ASH1L: variants seen among roughly 807,000 people sequenced by gnomAD.
The protein encoded by ASH1L is histone-lysine N-methyltransferase ASH1L.
ASH1L carries 23 observed loss-of-function variants against 269.0 expected under a neutral mutation model. The ratio of observed to expected loss-of-function variants is 0.09; its 90% confidence interval spans 0.06 to 0.12. The LOEUF (loss-of-function observed/expected upper bound fraction) is 0.12, where lower values mean the gene tolerates loss of function less well. Among genes scored for constraint, ASH1L ranks in the 10% least tolerant of loss-of-function variants. The pLI is 1.00. For synonymous variants in ASH1L, 1,187 were observed against 1,253.5 expected (o/e 0.95, Z 1.12); for missense variants, 2,912 against 3,567.8 (o/e 0.82, Z 4.68).
intron 6 of ASH1L, among the ~76,000 whole-genome samples, chr1:155,396,759 C>T (rs909600271): frequency 2.7e-4 from 41 of 150,986 alleles, no homozygotes; most frequent in African/African-American, 9.7e-4. Flanking sequence ...GTCAGGAGTT[C>T]GAGACAGGCC....
At chr1:155,472,082 G>C (rs1323183243) in intron 3 of ASH1L, among the ~76,000 whole-genome samples, 1 of 152,150 alleles carries the variant, frequency 6.6e-6, no homozygotes, top group African/African-American at 2.4e-5. Flanking sequence ...CTTGCGGTCA[G>C]GAGTTTGAAA....
At chr1:155,363,668 C>CT (rs1202012962) in intron 12 of ASH1L, among the ~76,000 whole-genome samples, 8 of 151,050 alleles carry the variant, frequency 5.3e-5, no homozygotes, top group African/African-American at 7.3e-5. Context: ...TGTAACTTTT[C>CT]TTTTTTTTTG....
intron 3 of ASH1L, among the ~76,000 whole-genome samples, chr1:155,472,461 A>G (rs1375322798): frequency 6.6e-6 from 1 of 152,200 alleles, no homozygotes; most frequent in Admixed American, 6.5e-5. Flanking sequence ...TTCAATGTCC[A>G]TGTAGATGAT....
intron 1 of ASH1L, among the ~76,000 whole-genome samples, chr1:155,536,001 GAAA>G (rs571532832): frequency 9.6e-6 from 1 of 103,754 alleles, no homozygotes. Context: ...TCCATCTCAA[GAAA>G]AAAAAAAAAA....
intron 1 of ASH1L, among the ~76,000 whole-genome samples, chr1:155,554,083 G>GT (rs751768408): frequency 0.011 from 1,608 of 141,490 alleles, 20 homozygotes; most frequent in African/African-American, 0.031. Context: ...CCCGGCCCGA[G>GT]TTTTTTTTTT....
intron 2 of ASH1L, among the ~76,000 whole-genome samples, chr1:155,495,939 A>G (rs996004398): frequency 6.6e-6 from 1 of 152,212 alleles, no homozygotes; most frequent in Non-Finnish European, 1.5e-5. Flanking sequence ...CGGAGGCTGC[A>G]GTGAGCCGAG....
chr1:155,381,747 C>T (rs540660914), intron 7 of ASH1L, among the ~76,000 whole-genome samples: 9 of 150,556 alleles, frequency 6.0e-5, no homozygotes, highest in South Asian at 2.1e-4. Context: ...TGGTGGCACA[C>T]GCCTGTAATC....
chr1:155,348,895 A>T (rs1171985010), intron 19 of ASH1L, among the ~76,000 whole-genome samples: 2,357 of 46,586 alleles, frequency 0.051, 73 homozygotes, highest in African/African-American at 0.11. Context: ...AAAAAAAAAA[A>T]AAAAATATAT....
At chr1:155,356,528 G>C (rs142915277) in intron 15 of ASH1L, among the ~76,000 whole-genome samples, 5 of 151,298 alleles carry the variant, frequency 3.3e-5, no homozygotes, top group Non-Finnish European at 7.4e-5. Flanking sequence ...CCAGCTACTC[G>C]GGAGGCTGAG....
chr1:155,423,561 C>G (rs919021846), intron 5 of ASH1L, among the ~76,000 whole-genome samples: 2 of 152,058 alleles, frequency 1.3e-5, no homozygotes, highest in Non-Finnish European at 2.9e-5. Flanking sequence ...GAGCAAGACT[C>G]TGTCTCAAAA....
intron 2 of ASH1L, among the ~76,000 whole-genome samples, chr1:155,507,375 A>G (rs1334289735): frequency 1.3e-5 from 2 of 152,134 alleles, no homozygotes. Context: ...TTTCTTTTCT[A>G]AACAGAAAAC....
Position 155,481,676 on chromosome 1 carries a change from T to TCCC in ASH1L, c.1191_1193dup (p.Gly398dup), listed in dbSNP as rs757414557. 1 of 1,614,178 alleles carries TCCC rather than the reference T, an allele frequency of 6.2e-7. No individual in the cohort carries two copies. Among genetic ancestry groups the TCCC allele is most frequent in the East Asian group, 2.2e-5 (1 of 44,886 alleles). On this transcript the variant is annotated inframe_insertion, in exon 3 of 28. Transcript: ENST00000392403. ...TCTTTCCAATGTCCTTATTAACCAA[T>TCCC]CCCATTGCTGAACTTGCTACAATCT...
At chr1:155,390,309 T>C (rs1430228116) in intron 7 of ASH1L, among the ~76,000 whole-genome samples, 1 of 152,206 alleles carries the variant, frequency 6.6e-6, no homozygotes, top group Non-Finnish European at 1.5e-5. Context: ...GATGAACATC[T>C]GAATAGTCTA....
chr1:155,358,440 C>A (rs1283364700), intron 13 of ASH1L, among the ~76,000 whole-genome samples: 5 of 151,710 alleles, frequency 3.3e-5, no homozygotes, highest in Admixed American at 3.3e-4. Flanking sequence ...TAATCCAGCA[C>A]TTTGGGAGGC....
At chr1:155,463,890 T>C (rs1403600496) in intron 3 of ASH1L, among the ~76,000 whole-genome samples, 1 of 152,084 alleles carries the variant, frequency 6.6e-6, no homozygotes, top group Non-Finnish European at 1.5e-5. Context: ...ACCTTAAACA[T>C]AGAGTGAATC....
rs771455894 is a variant in ASH1L at position 155,335,722 on chromosome 1, G to A, written c.*1938C>T. ...CAAAAGAAAGATAAAATGACAGAGC[G>A]TAGTGTCTTTTGCTTCTGTTCTCGC... On this transcript the variant is annotated 3_prime_UTR_variant, in exon 28 of 28. Coordinates refer to ENST00000392403, the MANE Select transcript of ASH1L (RefSeq NM_018489.3). 5.2e-5 allele frequency: 8 copies of A among 152,512 alleles called. No homozygotes were observed. The highest frequency in any genetic ancestry group is 3.2e-3 in the Middle Eastern group (1 of 316). The allele number at this position is 152,512 out of a possible 1,614,324, so 9.4% of individuals were successfully genotyped here.
At chr1:155,421,603 A>G (rs1419376904) in intron 5 of ASH1L, among the ~76,000 whole-genome samples, 2 of 151,562 alleles carry the variant, frequency 1.3e-5, no homozygotes, top group Non-Finnish European at 2.9e-5. Context: ...CCCGGGAGGC[A>G]GAGGTTGCAG....
At chr1:155,440,415 GA>G (rs1662459929) in intron 4 of ASH1L, 1 of 184,990 alleles carries the variant, frequency 5.4e-6, no homozygotes, top group Non-Finnish European at 1.0e-5. Context: ...AATATCCTTT[GA>G]TTAACTTTCA....
chr1:155,377,564 T>TA (rs1182265298), intron 10 of ASH1L, among the ~76,000 whole-genome samples: 6 of 150,270 alleles, frequency 4.0e-5, no homozygotes, highest in East Asian at 3.9e-4. Context: ...ACCCTATCTC[T>TA]AAAAAAAACA....
Sources: allele counts gnomAD v4.1 joint callset (sites outside exome capture counted in the v4.1 genomes callset), GRCh38; gene constraint gnomAD v4.1.1; transcripts MANE v1.5; gene names NCBI Gene and HGNC (gene_info 2026-07-23, HGNC 2026-07-21).